The following C12orf42 variants were observed in gnomAD, a reference collection of about 807,000 sequenced individuals.
The protein encoded by C12orf42 is uncharacterized protein C12orf42.
A neutral mutation model predicts 21.6 loss-of-function variants in C12orf42; 25 were observed. The ratio of observed to expected loss-of-function variants is 1.16; its 90% CI spans 0.84 to 1.62. The LOEUF is 1.62. Among genes scored for constraint, C12orf42 ranks in the 40% most tolerant of loss-of-function variants. C12orf42 has a pLI of 0.00. For missense variants in C12orf42, 483 were observed against 459.3 expected (o/e 1.05, Z -0.47); for synonymous variants, 174 against 175.0 (o/e 0.99, Z 0.05).
At chr12:103,148,954 T>A in the C12orf42 span, among the ~76,000 whole-genome samples, 1 of 152,170 alleles carries the variant, frequency 6.6e-6, no homozygotes, top group African/African-American at 2.4e-5. Flanking sequence ...TGATACAAAT[T>A]TATATTAAGA....
chr12:103,382,898 T>C (rs1212792805), intron 3 of C12orf42, among the ~76,000 whole-genome samples: 1 of 152,174 alleles, frequency 6.6e-6, no homozygotes, highest in Non-Finnish European at 1.5e-5. Flanking sequence ...GTTCTTTCAC[T>C]TCTTCTCTAT....
intron 2 of C12orf42, among the ~76,000 whole-genome samples, chr12:103,437,386 G>T (rs1266157768): frequency 1.3e-5 from 2 of 151,556 alleles, no homozygotes; most frequent in East Asian, 1.9e-4. Flanking sequence ...CTAGCAGAAG[G>T]CAAGAAATAA....
intron 1 of C12orf42, among the ~76,000 whole-genome samples, chr12:103,490,836 A>G (rs1172708286): frequency 6.6e-6 from 1 of 151,966 alleles, no homozygotes; most frequent in Non-Finnish European, 1.5e-5. Context: ...TTCCCATATG[A>G]TTATTCTTGT....
the C12orf42 span, among the ~76,000 whole-genome samples, chr12:103,108,251 G>C: frequency 6.6e-6 from 1 of 151,670 alleles, no homozygotes; most frequent in South Asian, 2.1e-4. Context: ...AAGAACAATT[G>C]TCCTGTTATA....
the C12orf42 span, among the ~76,000 whole-genome samples, chr12:103,521,275 C>G: frequency 3.9e-5 from 6 of 152,258 alleles, no homozygotes; most frequent in East Asian, 9.6e-4. Flanking sequence ...TTCACAGCAG[C>G]AAAGACATGG....
intron 2 of C12orf42, among the ~76,000 whole-genome samples, chr12:103,465,639 G>C (rs1464669909): frequency 1.3e-5 from 2 of 152,076 alleles, no homozygotes; most frequent in African/African-American, 2.4e-5. Context: ...ATACTATGTT[G>C]AACGAGAGTG....
At chr12:103,146,561 AAAG>A in the C12orf42 span, among the ~76,000 whole-genome samples, 7 of 6,686 alleles carry the variant, frequency 1.0e-3, no homozygotes, top group African/African-American at 3.9e-3. Context: ...TAAAGAAAGA[AAAG>A]AAAGAAAGAA....
intron 10 of C12orf42, among the ~76,000 whole-genome samples, chr12:103,246,883 G>T (rs2034034733): frequency 1.3e-5 from 2 of 152,020 alleles, no homozygotes; most frequent in Admixed American, 1.3e-4. Flanking sequence ...AAAATCCTTT[G>T]GGTGTGAAAT....
At chr12:103,062,380 T>C in the C12orf42 span, among the ~76,000 whole-genome samples, 22 of 151,904 alleles carry the variant, frequency 1.4e-4, no homozygotes, top group Non-Finnish European at 2.5e-4. Context: ...GTGTATGTCA[T>C]TTTTATTTTT....
At chr12:103,077,488 A>C in the C12orf42 span, among the ~76,000 whole-genome samples, 46 of 152,334 alleles carry the variant, frequency 3.0e-4, no homozygotes, top group Non-Finnish European at 5.4e-4. Context: ...TAACTTGCCC[A>C]AAATCACCTA....
downstream of C12orf42, among the ~76,000 whole-genome samples, chr12:103,298,592 T>C (rs992042426): frequency 1.3e-5 from 2 of 152,194 alleles, no homozygotes; most frequent in East Asian, 1.9e-4. Context: ...CTTCACAGAA[T>C]TGGAAAAAAC....
At chr12:103,448,318 A>G (rs969087919) in intron 2 of C12orf42, among the ~76,000 whole-genome samples, 2 of 152,136 alleles carry the variant, frequency 1.3e-5, no homozygotes, top group African/African-American at 4.8e-5. Flanking sequence ...ACTTAAATCT[A>G]AGACCTGAAA....
chr12:103,078,758 G>T, the C12orf42 span, among the ~76,000 whole-genome samples: 1 of 152,112 alleles, frequency 6.6e-6, no homozygotes, highest in Admixed American at 6.6e-5. Context: ...GAAAAGACTT[G>T]GTCAAAAGAC....
the C12orf42 span, among the ~76,000 whole-genome samples, chr12:103,226,102 G>A: frequency 8.5e-5 from 13 of 152,300 alleles, no homozygotes; most frequent in Admixed American, 5.9e-4. Context: ...CCCAGGCTGC[G>A]GGCATTCCTT....
intron 4 of C12orf42, among the ~76,000 whole-genome samples, chr12:103,326,090 G>A (rs1359315005): frequency 6.6e-6 from 1 of 152,134 alleles, no homozygotes; most frequent in Admixed American, 6.5e-5. Flanking sequence ...ATTTGATGAG[G>A]TTATCATTAC....
At chr12:103,432,401 C>A (rs1950331710) in intron 2 of C12orf42, among the ~76,000 whole-genome samples, 1 of 152,156 alleles carries the variant, frequency 6.6e-6, no homozygotes, top group Non-Finnish European at 1.5e-5. Context: ...GCCTGACCCT[C>A]CTGGTTGGCA....
At chr12:103,064,483 A>G in the C12orf42 span, among the ~76,000 whole-genome samples, 1 of 152,238 alleles carries the variant, frequency 6.6e-6, no homozygotes, top group Admixed American at 6.5e-5. Flanking sequence ...AGCCTACTGT[A>G]TTCCTACTTA....
At chr12:103,049,363 C>T in the C12orf42 span, among the ~76,000 whole-genome samples, 1 of 152,142 alleles carries the variant, frequency 6.6e-6, no homozygotes, top group Non-Finnish European at 1.5e-5. Context: ...TCAGCAAGTC[C>T]TCTTGATTCT....
intron 2 of C12orf42, among the ~76,000 whole-genome samples, chr12:103,464,413 G>T (rs1244333690): frequency 2.0e-5 from 1 of 49,792 alleles, no homozygotes; most frequent in Non-Finnish European, 4.4e-5. Flanking sequence ...ACTTTTTAAT[G>T]GGGTTTTTTT....
Sources: gnomAD v4.1 joint callset for allele counts (sites outside exome capture counted in the v4.1 genomes callset) on GRCh38, gnomAD v4.1.1 for gene constraint, MANE v1.5 for transcripts, NCBI Gene and HGNC (gene_info 2026-07-23, HGNC 2026-07-21) for gene names.